Variants in PRR11 observed in about 807,000 individuals in gnomAD.
PRR11 encodes the protein proline rich 11, also known as proline-rich protein 11.
Under a neutral mutation model 45.6 loss-of-function variants are expected in PRR11, and 30 were observed. That is an observed-to-expected ratio of 0.66 (90% CI 0.49 to 0.89). PRR11 has a LOEUF of 0.89. Ranked by LOEUF, PRR11 falls within the 40% of genes least tolerant of loss-of-function variation. The probability of loss-of-function intolerance (pLI) is 0.00; values close to 1 mark genes in which losing one functional copy is unlikely to be tolerated. For synonymous variants in PRR11, 128 were observed against 153.5 expected, an observed-to-expected ratio of 0.83 and a Z score of 1.23; for missense variants, 373 against 424.8, an observed-to-expected ratio of 0.88 and a Z score of 1.07.
rs764095435 is a variant in PRR11 at position 59,201,678 on chromosome 17, T to C, written c.*47T>C. The stretch of plus-strand genomic sequence containing the variant: ...TGAGATGATCCATAACAAATACAGA[T>C]AAAAACACCCAGCTGGGTGCAGTGG... On this transcript the variant is annotated 3_prime_UTR_variant, in exon 10 of 10. Coordinates refer to ENST00000262293, the MANE Select transcript of PRR11 (RefSeq NM_018304.4). 1 of 1,587,938 alleles carries C rather than the reference T, an allele frequency of 6.3e-7. No homozygotes were observed. The highest frequency in any genetic ancestry group is 2.2e-5 in the East Asian group (1 of 44,706).
intron 2 of PRR11, among the ~76,000 whole-genome samples, chr17:59,173,525 C>T (rs532368703): frequency 1.3e-5 from 2 of 152,148 alleles, no homozygotes; most frequent in Non-Finnish European, 2.9e-5. Flanking sequence ...TAACTCCAGA[C>T]GCCCTGCCTT....
chr17:59,173,048 A>G (rs1884407779), intron 2 of PRR11, among the ~76,000 whole-genome samples: 2 of 152,128 alleles, frequency 1.3e-5, no homozygotes, highest in South Asian at 4.1e-4. Flanking sequence ...ACCAATCGGC[A>G]CTCTGTATCT....
In PRR11 at chr17:59,170,754, A is replaced by T. The variant is rs148185379; in HGVS notation, c.128+874A>T. On this transcript the variant is annotated intron_variant, in intron 2 of 9. Coordinates refer to ENST00000262293, the MANE Select transcript of PRR11 (RefSeq NM_018304.4). The stretch of plus-strand genomic sequence containing the variant: ...TCTACATAAAAAATAATGCAGGATT[A>T]TCTTCTAGAGCTAATTAGTATGATC... Among the ~76,000 whole-genome samples, 1,431 of 152,252 alleles carry T rather than the reference A, an allele frequency of 9.4e-3. 18 individuals are homozygous for T. The highest frequency in any genetic ancestry group is 0.033 in the African/African-American group (1,361 of 41,540).
At chr17:59,174,048 T>C (rs2046728095) in intron 2 of PRR11, among the ~76,000 whole-genome samples, 1 of 152,214 alleles carries the variant, frequency 6.6e-6, no homozygotes, top group South Asian at 2.1e-4. Context: ...CTGTCCTTCA[T>C]TCTATAGCCT....
chr17:59,203,820 A>T lies in PRR11; in HGVS notation c.*2189A>T. 6.8e-6 allele frequency: 1 copy of T among 147,842 alleles called. No homozygotes were observed. The highest frequency in any genetic ancestry group is 6.8e-5 in the Admixed American group (1 of 14,770). The allele number at this position is 147,842 out of a possible 1,614,324, so 9.2% of individuals were successfully genotyped here. ...GCCACTCCAGCCTGGGTGACAGAGC[A>T]AGAGACCCTGTCTCAAAAAAAAAAA... On this transcript the variant is annotated 3_prime_UTR_variant, in exon 10 of 10. Coordinates refer to ENST00000262293, the MANE Select transcript of PRR11 (RefSeq NM_018304.4).
At chr17:59,174,041 T>G (rs2147840552) in intron 2 of PRR11, among the ~76,000 whole-genome samples, 1 of 152,294 alleles carries the variant, frequency 6.6e-6, no homozygotes, top group Non-Finnish European at 1.5e-5. Context: ...TTATCTCCTG[T>G]CCTTCATTCT....
At chr17:59,201,426 G>A (rs181604275) in intron 9 of PRR11, 137 bp from the exon 10 acceptor site, 1 of 808,644 alleles carries the variant, frequency 1.2e-6, no homozygotes, top group East Asian at 2.7e-5. Flanking sequence ...ATTGCATCAG[G>A]GAAACTGGGA....
chr17:59,201,245 C>G (rs1386850136), intron 9 of PRR11, among the ~76,000 whole-genome samples: 1 of 152,144 alleles, frequency 6.6e-6, no homozygotes, highest in African/African-American at 2.4e-5. Context: ...AGTGGCTTCA[C>G]CATATAATCA....
intron 1 of PRR11, among the ~76,000 whole-genome samples, chr17:59,168,043 C>T (rs916362512): frequency 3.3e-5 from 5 of 152,062 alleles, no homozygotes; most frequent in Non-Finnish European, 7.4e-5. Context: ...TATTTTGTAT[C>T]CTTTAACCAA....
At chr17:59,177,656 A>G (rs780675909) in intron 2 of PRR11, among the ~76,000 whole-genome samples, 2 of 152,138 alleles carry the variant, frequency 1.3e-5, no homozygotes, top group Non-Finnish European at 2.9e-5. Flanking sequence ...TAGGAGAGGC[A>G]GGGGCCACTC....
intron 1 of PRR11, among the ~76,000 whole-genome samples, chr17:59,166,407 ACTTAATTTT>A (rs1369957693): frequency 6.6e-6 from 1 of 152,200 alleles, no homozygotes; most frequent in Non-Finnish European, 1.5e-5. Context: ...ACTAGCTGTG[ACTTAATTTT>A]CTTCAGAAAA....
chr17:59,200,321 G>A (rs562895098), intron 9 of PRR11, among the ~76,000 whole-genome samples: 1 of 152,278 alleles, frequency 6.6e-6, no homozygotes, highest in African/African-American at 2.4e-5. Context: ...ATGGCAGAGT[G>A]TAGTGGCTCA....
Position 59,202,473 on chromosome 17 carries a change from G to A in PRR11, c.*842G>A, listed in dbSNP as rs985519105. On this transcript the variant is annotated 3_prime_UTR_variant, in exon 10 of 10. Transcript: ENST00000262293. ...CCCAGCTACTTAGGAAGCTGAGAAG[G>A]GAGGATCACTTGAGGCTGTAGTGCA... 1.3e-5 allele frequency: 2 copies of A among 152,138 alleles called. No homozygotes were observed. Among genetic ancestry groups the A allele is most frequent in the East Asian group, 1.9e-4 (1 of 5,184 alleles). 9.4% of individuals were successfully genotyped at this position (152,138 alleles called of 1,614,324 possible). A position where few individuals can be genotyped will look rare whatever the true frequency, so the allele number is the denominator to read the frequency against.
intron 7 of PRR11, 133 bp from the exon 8 acceptor site, chr17:59,197,411 C>G (rs1380711495): frequency 6.2e-6 from 5 of 807,816 alleles, no homozygotes; most frequent in Non-Finnish European, 9.8e-6. Flanking sequence ...ACCACCACAC[C>G]TGGCTAATTT....
chr17:59,173,802 C>G (rs972687989), intron 2 of PRR11, among the ~76,000 whole-genome samples: 1 of 152,180 alleles, frequency 6.6e-6, no homozygotes, highest in African/African-American at 2.4e-5. Context: ...CTAGAACAGT[C>G]CAGGTTCTTC....
chr17:59,184,453 A>T (rs2046803600), intron 2 of PRR11, among the ~76,000 whole-genome samples: 1 of 152,054 alleles, frequency 6.6e-6, no homozygotes, highest in South Asian at 2.1e-4. Context: ...CAAGAGCAAA[A>T]CTCCGTCTCA....
intron 7 of PRR11, among the ~76,000 whole-genome samples, chr17:59,197,204 A>G (rs1249941879): frequency 6.6e-6 from 1 of 152,104 alleles, no homozygotes; most frequent in Non-Finnish European, 1.5e-5. Context: ...TTGCCTATAG[A>G]AATGATTGCT....
Position 59,197,779 on chromosome 17 carries a change from GA to G in PRR11, c.1007del (p.Lys336SerfsTer42), listed in dbSNP as rs2046874059. The part of the protein sequence containing the change: ...LTPVMTQALR[R>X]KFQLAHPRSP... ...CCAGTGATGACGCAGGCCTTAAGGA[GA>G]AAGTTTCAGGTAACCCTTTAGGAAA... On this transcript the variant is annotated frameshift_variant, in exon 9 of 10. Coordinates refer to ENST00000262293, the MANE Select transcript of PRR11 (RefSeq NM_018304.4). LOFTEE classifies it high-confidence loss of function. The G allele has an allele frequency of 6.2e-7, 1 of 1,613,130 alleles. No homozygotes were observed. The highest frequency in any genetic ancestry group is 8.5e-7 in the Non-Finnish European group (1 of 1,179,426).
At position 59,173,714 on chromosome 17, in the gene PRR11, C is replaced by T. The variant is rs181162781; in HGVS notation, c.128+3834C>T. On this transcript the variant is annotated intron_variant, in intron 2 of 9. Coordinates refer to ENST00000262293, the MANE Select transcript of PRR11 (RefSeq NM_018304.4). ...GCTTCATTTTTGAAGTCGGTGAAAC[C>T]AAGAACCCACCAATTCCAGACACAG... Among the ~76,000 whole-genome samples, 8 of 152,264 alleles carry T rather than the reference C, an allele frequency of 5.3e-5. No homozygotes were observed. The East Asian group carries it at 1.5e-3, about 29-fold the overall frequency.
Sources: allele counts gnomAD v4.1 joint callset (sites outside exome capture counted in the v4.1 genomes callset), GRCh38; gene constraint gnomAD v4.1.1; transcripts MANE v1.5; gene names NCBI Gene and HGNC (gene_info 2026-07-23, HGNC 2026-07-21).